Variants in EYS observed in about 807,000 individuals in gnomAD.
The protein encoded by EYS is protein eyes shut homolog.
In EYS, 250 loss-of-function variants were observed where a neutral mutation model predicts 282.1. The ratio of observed to expected loss-of-function variants is 0.89; its 90% confidence interval spans 0.80 to 0.98. The LOEUF (loss-of-function observed/expected upper bound fraction) is 0.98. Among genes scored for constraint, EYS ranks in the 50% least tolerant of loss-of-function variants. The probability of loss-of-function intolerance (pLI) is 0.00; values close to 1 mark genes in which losing one functional copy is unlikely to be tolerated. For synonymous variants in EYS, 1,355 were observed against 1,282.9 expected (o/e 1.06, Z -1.20); for missense variants, 4,016 against 3,709.0 (o/e 1.08, Z -2.15).
Position 64,694,250 on chromosome 6 carries a change from T to C in EYS, c.3444-68005A>G, listed in dbSNP as rs543671029. Reference sequence around the variant, plus strand: ...TATATAGAGATTCACATTACGAACTTTTATCCATGAAGGAACATGGGGTCA... The same window carrying C: ...TATATAGAGATTCACATTACGAACTCTTATCCATGAAGGAACATGGGGTCA... On this transcript the variant is annotated intron_variant, in intron 22 of 42. Transcript: ENST00000503581. Among the ~76,000 whole-genome samples the C allele has an allele frequency of 6.6e-5, 10 of 152,256 alleles. No homozygotes were observed. In the East Asian group the frequency reaches 1.7e-3, roughly 26 times the overall value.
intron 35 of EYS, among the ~76,000 whole-genome samples, chr6:63,871,184 G>A (rs954521841): frequency 6.6e-6 from 1 of 152,146 alleles, no homozygotes; most frequent in African/African-American, 2.4e-5. Context: ...TAGAGTATAA[G>A]TAGATCTGAG....
chr6:64,651,423 A>G lies in EYS; in HGVS notation c.3444-25178T>C, dbSNP rs547144581. Among the ~76,000 whole-genome samples, 220 of 152,334 alleles carry G rather than the reference A, an allele frequency of 1.4e-3. 1 individual carries two copies. The highest frequency in any genetic ancestry group is 4.5e-3 in the African/African-American group (185 of 41,566). ...AGCCATTAGATTAGAGAGTAGATTC[A>G]TGGGAATAATCAGAGAGGGAGAGGG... On this transcript the variant is annotated intron_variant, in intron 22 of 42. Transcript: ENST00000503581.
intron 32 of EYS, among the ~76,000 whole-genome samples, chr6:64,077,365 G>T (rs1223002616): frequency 6.6e-6 from 1 of 152,034 alleles, no homozygotes; most frequent in East Asian, 1.9e-4. Flanking sequence ...TATATATTCT[G>T]CTGGAAATCA....
chr6:65,660,914 T>C (rs373048854), intron 1 of EYS, among the ~76,000 whole-genome samples: 11 of 151,972 alleles, frequency 7.2e-5, no homozygotes, highest in East Asian at 1.9e-4. Context: ...TACTCTACTA[T>C]GTAGCACTAG....
chr6:65,668,484 G>C (rs1030413966), intron 1 of EYS, among the ~76,000 whole-genome samples: 4 of 151,764 alleles, frequency 2.6e-5, no homozygotes, highest in African/African-American at 9.7e-5. Flanking sequence ...TATTGTCTAT[G>C]ACTGCTTTCA....
chr6:64,317,423 GAA>G (rs35545495), intron 29 of EYS, among the ~76,000 whole-genome samples: 1 of 151,462 alleles, frequency 6.6e-6, no homozygotes, highest in African/African-American at 2.4e-5. Context: ...CCAAACAGAT[GAA>G]AAAAAGCTCA....
intron 22 of EYS, among the ~76,000 whole-genome samples, chr6:64,763,774 T>TA (rs2149980443): frequency 6.6e-6 from 1 of 152,226 alleles, no homozygotes; most frequent in South Asian, 2.1e-4. Flanking sequence ...ACTTCCAAGA[T>TA]ACAGTGGGGG....
chr6:65,384,578 G>A (rs371469900), intron 7 of EYS, 78 bp from the exon 8 acceptor site: 106 of 743,632 alleles, frequency 1.4e-4, no homozygotes, highest in Non-Finnish European at 2.2e-4. Flanking sequence ...TATTCCAAAA[G>A]GAATAAGGCT....
intron 31 of EYS, among the ~76,000 whole-genome samples, chr6:64,095,297 C>A (rs2150254763): frequency 6.6e-6 from 1 of 152,198 alleles, no homozygotes; most frequent in East Asian, 1.9e-4. Context: ...GAGTTCAATT[C>A]CTGGATATCC....
At chr6:65,330,466 G>T (rs1284328958) in intron 11 of EYS, 21 of 984,192 alleles carry the variant, frequency 2.1e-5, no homozygotes, top group Non-Finnish European at 2.4e-5. Context: ...AATATGGCTG[G>T]TATGATTTAG....
chr6:64,446,300 G>GA (rs2150472939), intron 26 of EYS, among the ~76,000 whole-genome samples: 1 of 152,182 alleles, frequency 6.6e-6, no homozygotes, highest in African/African-American at 2.4e-5. Flanking sequence ...GAAAAATCAG[G>GA]AATCAATGAA....
intron 19 of EYS, among the ~76,000 whole-genome samples, chr6:64,860,716 A>C (rs944793126): frequency 2.0e-5 from 3 of 152,200 alleles, no homozygotes; most frequent in African/African-American, 7.2e-5. Context: ...TTTGTGTTAC[A>C]GCTCTTTCAG....
At chr6:64,199,659 A>C (rs1397330663) in intron 31 of EYS, among the ~76,000 whole-genome samples, 1 of 152,178 alleles carries the variant, frequency 6.6e-6, no homozygotes, top group Non-Finnish European at 1.5e-5. Context: ...AATGGGAGAA[A>C]ATTTTTGCAA....
At chr6:64,402,316 C>T (rs1277210923) in intron 28 of EYS, among the ~76,000 whole-genome samples, 2 of 152,124 alleles carry the variant, frequency 1.3e-5, no homozygotes, top group Non-Finnish European at 2.9e-5. Context: ...AATAACCTCT[C>T]AATTGGCAGA....
At chr6:63,814,538 GAACA>G (rs150639266) in intron 36 of EYS, among the ~76,000 whole-genome samples, 72 of 152,172 alleles carry the variant, frequency 4.7e-4, no homozygotes, top group African/African-American at 1.2e-3. Context: ...AAAAAGCTAA[GAACA>G]AACAGAGTTT....
chr6:65,604,072 G>A (rs552940715), intron 2 of EYS, among the ~76,000 whole-genome samples: 1 of 151,624 alleles, frequency 6.6e-6, no homozygotes, highest in South Asian at 2.1e-4. Context: ...TAGGAATACT[G>A]ACTTATTATG....
chr6:64,413,553 A>C (rs1411013633), intron 28 of EYS, among the ~76,000 whole-genome samples: 33 of 143,152 alleles, frequency 2.3e-4, no homozygotes, highest in Admixed American at 2.3e-3. Context: ...CAACAACAAC[A>C]ACAACAAAAA....
At chr6:63,745,891 T>C (rs922550439) in intron 41 of EYS, among the ~76,000 whole-genome samples, 3 of 152,102 alleles carry the variant, frequency 2.0e-5, no homozygotes, top group Non-Finnish European at 4.4e-5. Context: ...AGTATCCTTA[T>C]AAGAAGAAAC....
chr6:64,344,975 A>C (rs1771314423), intron 29 of EYS, among the ~76,000 whole-genome samples: 1 of 152,126 alleles, frequency 6.6e-6, no homozygotes, highest in Non-Finnish European at 1.5e-5. Flanking sequence ...TAAAATACCT[A>C]GGAATCCAAC....
Sources: allele counts gnomAD v4.1 joint callset (sites outside exome capture counted in the v4.1 genomes callset), GRCh38; gene constraint gnomAD v4.1.1; transcripts MANE v1.5; gene names NCBI Gene and HGNC (gene_info 2026-07-23, HGNC 2026-07-21).